SEMA3A: variants seen among roughly 807,000 people sequenced by gnomAD.
SEMA3A encodes the protein semaphorin 3A.
A neutral mutation model predicts 97.9 loss-of-function variants in SEMA3A; 29 were observed. That is an observed-to-expected ratio of 0.30 (90% CI 0.22 to 0.40). The LOEUF is 0.40. Ranked by LOEUF, SEMA3A falls within the 10% of genes least tolerant of loss-of-function variation. The probability of loss-of-function intolerance (pLI) is 1.00; values close to 1 mark genes in which losing one functional copy is unlikely to be tolerated. For missense variants in SEMA3A, 763 were observed against 951.3 expected (o/e 0.80, Z 2.60); for synonymous variants, 321 against 323.7 (o/e 0.99, Z 0.09).
Position 83,956,547 on chromosome 7 carries a change from A to C in SEMA3A, c.*4824T>G, listed in dbSNP as rs2116225811. ...ATAAATGAGGTGAACATTAAGAAGG[A>C]AGGTAAAGAGATTGTGGGGTGGAAG... On this transcript the variant is annotated 3_prime_UTR_variant, in exon 17 of 17. Coordinates refer to ENST00000265362, the MANE Select transcript of SEMA3A (RefSeq NM_006080.3). 1 of 152,304 alleles carries C rather than the reference A, an allele frequency of 6.6e-6. No individual in the cohort carries two copies. Among genetic ancestry groups the C allele is most frequent in the South Asian group, 2.1e-4 (1 of 4,826 alleles). The allele number at this position is 152,304 out of a possible 1,614,324, so 9.4% of individuals were successfully genotyped here. A position where few individuals can be genotyped will look rare whatever the true frequency, so the allele number is the denominator to read the frequency against.
chr7:83,985,901 G>A (rs963079612), intron 12 of SEMA3A, among the ~76,000 whole-genome samples: 4 of 152,154 alleles, frequency 2.6e-5, no homozygotes, highest in Non-Finnish European at 1.5e-5. Flanking sequence ...AAGTATCTTC[G>A]TAAATCATTT....
chr7:84,368,041 T>C (rs1802893864), intron 2 of SEMA3A, among the ~76,000 whole-genome samples: 1 of 151,226 alleles, frequency 6.6e-6, no homozygotes, highest in Admixed American at 6.6e-5. Context: ...TGTTGTAACT[T>C]GAGTATATAA....
At chr7:84,200,587 T>C (rs1382986771) in intron 3 of SEMA3A, among the ~76,000 whole-genome samples, 1 of 152,102 alleles carries the variant, frequency 6.6e-6, no homozygotes, top group African/African-American at 2.4e-5. Flanking sequence ...ACTTCTATGG[T>C]CTCTCTTTTC....
chr7:84,057,811 T>C (rs1187340898), intron 5 of SEMA3A, among the ~76,000 whole-genome samples: 1 of 151,864 alleles, frequency 6.6e-6, no homozygotes, highest in Non-Finnish European at 1.5e-5. Context: ...CAAATTCATC[T>C]TGACAAAATG....
chr7:84,120,963 T>A (rs569609315), intron 3 of SEMA3A, among the ~76,000 whole-genome samples: 1 of 152,262 alleles, frequency 6.6e-6, no homozygotes, highest in East Asian at 1.9e-4. Flanking sequence ...CCTATACATG[T>A]GGTTAGTTGC....
At position 84,336,409 on chromosome 7, in the gene SEMA3A, T is replaced by C. The variant is rs563069984; in HGVS notation, c.-168-29117A>G. ...TGGCTCTGGAAAACTTCTTCTTTTT[T>C]CCCCCCAGAGAGAATGGCCACACGC... On this transcript the variant is annotated intron_variant, in intron 2 of 3. Transcript: ENST00000424555. 7.2e-5 allele frequency among the ~76,000 whole-genome samples: 11 copies of C among 151,938 alleles called. No individual in the cohort carries two copies. The East Asian group carries it at 2.1e-3, about 29-fold the overall frequency.
In SEMA3A at chr7:83,957,394, G is replaced by A. The variant is rs1788312715; in HGVS notation, c.*3977C>T. 6.6e-6 allele frequency: 1 copy of A among 152,108 alleles called. No homozygotes were observed. The highest frequency in any genetic ancestry group is 6.6e-5 in the Admixed American group (1 of 15,256). 9.4% of individuals were successfully genotyped at this position (152,108 alleles called of 1,614,324 possible). A position where few individuals can be genotyped will look rare whatever the true frequency, so the allele number is the denominator to read the frequency against. ...CAAGATCTATCAGTGGAATTTACTTGAACGTGTAGGAAGCTGGTTCTAAAA... is the reference window on the plus strand; with the variant it reads ...CAAGATCTATCAGTGGAATTTACTTAAACGTGTAGGAAGCTGGTTCTAAAA... On this transcript the variant is annotated 3_prime_UTR_variant, in exon 17 of 17. Coordinates refer to ENST00000265362, the MANE Select transcript of SEMA3A (RefSeq NM_006080.3).
At chr7:83,975,946 G>T (rs369373066) in intron 15 of SEMA3A, among the ~76,000 whole-genome samples, 2 of 152,098 alleles carry the variant, frequency 1.3e-5, no homozygotes, top group Non-Finnish European at 2.9e-5. Context: ...AGGGACAGTC[G>T]TAACATTTAC....
intron 2 of SEMA3A, among the ~76,000 whole-genome samples, chr7:84,317,631 T>A (rs1801540481): frequency 1.3e-5 from 2 of 152,310 alleles, no homozygotes; most frequent in South Asian, 2.1e-4. Context: ...GGCATCTGCT[T>A]TTCTTATTCT....
chr7:84,229,626 T>C (rs1295428515), intron 3 of SEMA3A, among the ~76,000 whole-genome samples: 2 of 152,084 alleles, frequency 1.3e-5, no homozygotes, highest in African/African-American at 4.8e-5. Context: ...TCAATGTTAG[T>C]TCATAATGAA....
chr7:84,334,910 C>G (rs1255480851), intron 2 of SEMA3A, among the ~76,000 whole-genome samples: 3 of 149,014 alleles, frequency 2.0e-5, no homozygotes, highest in African/African-American at 7.4e-5. Context: ...ACTTAGACTA[C>G]CCCCTCATTT....
intron 2 of SEMA3A, among the ~76,000 whole-genome samples, chr7:84,371,302 T>G (rs1334260441): frequency 1.3e-5 from 2 of 151,824 alleles, no homozygotes; most frequent in African/African-American, 4.8e-5. Flanking sequence ...TCATATAGTA[T>G]GGGGGAAGTA....
At chr7:84,462,083 C>T (rs998032071) in intron 1 of SEMA3A, among the ~76,000 whole-genome samples, 1 of 152,070 alleles carries the variant, frequency 6.6e-6, no homozygotes, top group African/African-American at 2.4e-5. Flanking sequence ...AATAATTTCT[C>T]TCTCTTCGTG....
Position 84,016,041 on chromosome 7 carries a change from T to G in SEMA3A, c.668-1690A>C, listed in dbSNP as rs796665127. On this transcript the variant is annotated intron_variant, in intron 6 of 16. Coordinates refer to ENST00000265362, the MANE Select transcript of SEMA3A (RefSeq NM_006080.3). ...GCAAAGCTTTCTTTTGTTCAAAAATTTCTACTTGTTCACATTCATATATAT... is the reference window on the plus strand; with the variant it reads ...GCAAAGCTTTCTTTTGTTCAAAAATGTCTACTTGTTCACATTCATATATAT... Among the ~76,000 whole-genome samples the G allele has an allele frequency of 1.1e-4, 17 of 152,192 alleles. 1 individual carries two copies. The highest frequency in any genetic ancestry group is 3.6e-4 in the African/African-American group (15 of 41,536).
At chr7:84,277,522 G>A (rs1458085695) in intron 3 of SEMA3A, among the ~76,000 whole-genome samples, 3 of 152,122 alleles carry the variant, frequency 2.0e-5, no homozygotes, top group Admixed American at 2.0e-4. Context: ...AGAAGAACCT[G>A]AAATATTGTG....
chr7:84,358,959 C>A (rs543871076), intron 2 of SEMA3A, among the ~76,000 whole-genome samples: 4 of 152,104 alleles, frequency 2.6e-5, no homozygotes, highest in African/African-American at 9.7e-5. Context: ...TATAAGAATG[C>A]TTGTGATTTT....
At chr7:84,337,362 A>C (rs1802062873) in intron 2 of SEMA3A, among the ~76,000 whole-genome samples, 1 of 152,164 alleles carries the variant, frequency 6.6e-6, no homozygotes, top group Non-Finnish European at 1.5e-5. Flanking sequence ...ACAGAGATCC[A>C]TGTCTACATA....
At chr7:84,072,750 T>C (rs1292835019) in intron 4 of SEMA3A, among the ~76,000 whole-genome samples, 1 of 152,128 alleles carries the variant, frequency 6.6e-6, no homozygotes, top group Non-Finnish European at 1.5e-5. Flanking sequence ...CAATAATACA[T>C]TACAGACACT....
intron 1 of SEMA3A, among the ~76,000 whole-genome samples, chr7:84,399,227 A>G (rs1365596747): frequency 1.3e-5 from 2 of 152,146 alleles, no homozygotes; most frequent in Non-Finnish European, 2.9e-5. Flanking sequence ...CCACAGAGGG[A>G]GCATTTAGAA....
Sources: allele counts gnomAD v4.1 joint callset (sites outside exome capture counted in the v4.1 genomes callset), GRCh38; gene constraint gnomAD v4.1.1; transcripts MANE v1.5; gene names NCBI Gene and HGNC (gene_info 2026-07-23, HGNC 2026-07-21).